LARP4B: variants seen among roughly 807,000 people sequenced by gnomAD.
LARP4B encodes La ribonucleoprotein 4B.
Under a neutral mutation model 89.8 loss-of-function variants are expected in LARP4B, and 12 were observed. That is an observed-to-expected ratio of 0.13 (90% CI 0.09 to 0.22). The LOEUF (loss-of-function observed/expected upper bound fraction) is 0.22. Ranked by LOEUF, LARP4B falls within the 10% of genes least tolerant of loss-of-function variation. The pLI, the probability that LARP4B is intolerant of heterozygous loss-of-function variation, is 1.00. For synonymous variants in LARP4B, 367 were observed against 363.3 expected (o/e 1.01, Z -0.12); for missense variants, 757 against 947.7 (o/e 0.80, Z 2.64).
chr10:913,460 T>G (rs1033694362), intron 1 of LARP4B, among the ~76,000 whole-genome samples: 1 of 152,182 alleles, frequency 6.6e-6, no homozygotes, highest in African/African-American at 2.4e-5. Flanking sequence ...GTTCATGACT[T>G]GGGTAGATCT....
intron 1 of LARP4B, among the ~76,000 whole-genome samples, chr10:897,785 C>T (rs530268636): frequency 2.9e-4 from 44 of 151,840 alleles, no homozygotes; most frequent in Non-Finnish European, 5.3e-4. Context: ...GTCAGGAGTT[C>T]GAGACCAGCC....
chr10:929,691 A>G (rs2132069922), intron 1 of LARP4B, among the ~76,000 whole-genome samples: 1 of 152,356 alleles, frequency 6.6e-6, no homozygotes, highest in Non-Finnish European at 1.5e-5. Flanking sequence ...AAATGAGATT[A>G]TCATCATCCC....
At chr10:807,235 CAG>C (rs1376008438), downstream of LARP4B, 7 of 152,256 alleles carry the variant, frequency 4.6e-5, no homozygotes, top group Admixed American at 2.6e-4. Flanking sequence ...CCCGTTAGGA[CAG>C]GGGTGAGGAA....
At chr10:951,744 T>C in the LARP4B span, among the ~76,000 whole-genome samples, 10 of 152,092 alleles carry the variant, frequency 6.6e-5, no homozygotes, top group Admixed American at 2.6e-4. Context: ...AGGAAGAAAT[T>C]GCACCAGCCC....
chr10:816,546 G>C (rs769231440), intron 15 of LARP4B, among the ~76,000 whole-genome samples: 13 of 152,320 alleles, frequency 8.5e-5, no homozygotes, highest in Admixed American at 3.9e-4. Context: ...CTCAAACTGG[G>C]CACAGCAGGA....
intron 1 of LARP4B, among the ~76,000 whole-genome samples, chr10:896,010 CCA>C (rs1292292245): frequency 1.3e-5 from 2 of 152,244 alleles, no homozygotes; most frequent in Non-Finnish European, 2.9e-5. Flanking sequence ...GCCATCTTTC[CCA>C]CAGAAAGGGC....
chr10:903,661 T>G (rs980135295), intron 1 of LARP4B: 2 of 152,198 alleles, frequency 1.3e-5, no homozygotes, highest in African/African-American at 4.8e-5. Flanking sequence ...ACCGCTTCAC[T>G]CTGATGGGTG....
In LARP4B at chr10:814,968, G is replaced by C; in HGVS notation, c.1798C>G (p.Pro600Ala). 1 of 1,603,310 alleles carries C rather than the reference G, an allele frequency of 6.2e-7. No individual in the cohort carries two copies. Among genetic ancestry groups the C allele is most frequent in the Non-Finnish European group, 8.5e-7 (1 of 1,173,322 alleles). The change falls in exon 16 of 18, where the codon CCC becomes GCC. Residue 600 changes from proline (P) to alanine (A), a missense_variant. This residue lies in a region of LARP4B where 387 missense variants were observed against 423.6 expected (regional missense o/e 0.91). Coordinates refer to ENST00000316157, the MANE Select transcript of LARP4B (RefSeq NM_015155.3). The surrounding 1 kb of genome is among the most constrained non-coding windows in gnomAD (Gnocchi z 4.4). ...CACTCGGGTAAATGAGCTGGGGAGG[G>C]GGATCGCTCGTACGTTGCTGATACA... Reference protein sequence around the residue: ...CAVSATYERSPSPAHLPDDPK... With the variant: ...CAVSATYERSASPAHLPDDPK...
intron 1 of LARP4B, among the ~76,000 whole-genome samples, chr10:908,434 A>G (rs1836557260): frequency 6.6e-6 from 1 of 152,188 alleles, no homozygotes. Flanking sequence ...AAGTAATGGA[A>G]CCCAAAGAGG....
At chr10:847,405 G>A (rs957189137) in intron 5 of LARP4B, among the ~76,000 whole-genome samples, 4 of 152,030 alleles carry the variant, frequency 2.6e-5, no homozygotes, top group Non-Finnish European at 5.9e-5. Context: ...CAGGGGCTAG[G>A]TTAACTTTCC....
At chr10:881,485 A>G (rs1338593572) in intron 3 of LARP4B, among the ~76,000 whole-genome samples, 9 of 151,902 alleles carry the variant, frequency 5.9e-5, no homozygotes, top group Non-Finnish European at 1.3e-4. Flanking sequence ...TCTCCACCCC[A>G]CACTGTCCTC....
chr10:814,458 G>A lies in LARP4B; in HGVS notation c.1929+284C>T, dbSNP rs779103984. ...TGCTGAAATGATCCTAAAGTCTATG[G>A]AGAAACAGGAGCTGGGGTCTTGTTA... On this transcript the variant is annotated intron_variant, in intron 17 of 17. Transcript: ENST00000316157. The surrounding 1 kb of genome is among the most constrained non-coding windows in gnomAD (Gnocchi z 4.4). 4.0e-6 allele frequency: 2 copies of A among 494,108 alleles called. No homozygotes were observed. The allele number at this position is 494,108 out of a possible 1,614,324, so 30.6% of individuals were successfully genotyped here. A position where few individuals can be genotyped will look rare whatever the true frequency, so the allele number is the denominator to read the frequency against.
Position 814,703 on chromosome 10 carries a change from C to T in LARP4B, c.1929+39G>A, listed in dbSNP as rs1434736641. The T allele has an allele frequency of 2.8e-5, 43 of 1,561,392 alleles. No homozygotes were observed. Among genetic ancestry groups the T allele is most frequent in the Non-Finnish European group, 3.2e-5 (37 of 1,152,316 alleles). Reference sequence around the variant, plus strand: ...GCAGCGTCTGTTCACACCAGAGCCTCGCGGCTGTCGTGCAGGAAGGCAGGC... The same window carrying T: ...GCAGCGTCTGTTCACACCAGAGCCTTGCGGCTGTCGTGCAGGAAGGCAGGC... On this transcript the variant is annotated intron_variant, in intron 17 of 17. Transcript: ENST00000316157. The surrounding 1 kb of genome is among the most constrained non-coding windows in gnomAD (Gnocchi z 4.4).
chr10:833,887 CAAAAA>C (rs34834355), intron 8 of LARP4B, among the ~76,000 whole-genome samples: 1 of 75,064 alleles, frequency 1.3e-5, no homozygotes, highest in African/African-American at 5.1e-5. Context: ...GATGCCACCT[CAAAAA>C]AAAAAAAAAA....
intron 1 of LARP4B, among the ~76,000 whole-genome samples, chr10:908,535 T>C (rs1380758455): frequency 6.7e-6 from 1 of 149,300 alleles, no homozygotes; most frequent in Admixed American, 6.7e-5. Context: ...GAGCCCTCAT[T>C]CTGTGGGACC....
At chr10:965,063 G>T in the LARP4B span, among the ~76,000 whole-genome samples, 1 of 152,242 alleles carries the variant, frequency 6.6e-6, no homozygotes, top group African/African-American at 2.4e-5. Context: ...GCCATGCAGG[G>T]TCAGGCCGGG....
the LARP4B span, chr10:972,666 G>C: frequency 2.2e-6 from 1 of 457,308 alleles, no homozygotes; most frequent in Non-Finnish European, 4.4e-6. Flanking sequence ...TGACTGGTAT[G>C]AAGTATGCAC....
At chr10:841,371 A>C (rs1833513569) in intron 7 of LARP4B, among the ~76,000 whole-genome samples, 1 of 152,206 alleles carries the variant, frequency 6.6e-6, no homozygotes, top group Non-Finnish European at 1.5e-5. Context: ...GAAACTAAAG[A>C]GCTCAGTGCA....
At chr10:872,554 G>A (rs572937554) in intron 3 of LARP4B, among the ~76,000 whole-genome samples, 3 of 152,140 alleles carry the variant, frequency 2.0e-5, no homozygotes, top group South Asian at 2.1e-4. Flanking sequence ...TCTCCCTATC[G>A]GATAGGTCTA....
Sources: gnomAD v4.1 joint callset for allele counts (sites outside exome capture counted in the v4.1 genomes callset) on GRCh38, gnomAD v4.1.1 for gene constraint, gnomAD v4.1.1 regional missense constraint, Gnocchi (gnomAD v3.1) non-coding constraint, MANE v1.5 for transcripts, NCBI Gene and HGNC (gene_info 2026-07-23, HGNC 2026-07-21) for gene names.